Variants in SV2C observed in about 807,000 individuals in gnomAD.
The protein encoded by SV2C is synaptic vesicle glycoprotein 2C.
SV2C carries 49 observed loss-of-function variants against 79.7 expected under a neutral mutation model. That is an observed-to-expected ratio of 0.61 (90% confidence interval 0.49 to 0.78). The LOEUF is 0.78. SV2C is among the 30% of genes least tolerant of loss of function. The pLI, the probability that SV2C is intolerant of heterozygous loss-of-function variation, is 0.00. For synonymous variants in SV2C, 334 were observed against 333.2 expected, an observed-to-expected ratio of 1.00 and a Z score of -0.03; for missense variants, 833 against 912.9, an observed-to-expected ratio of 0.91 and a Z score of 1.13.
the SV2C span, among the ~76,000 whole-genome samples, chr5:75,926,797 T>C: frequency 3.9e-5 from 6 of 152,170 alleles, no homozygotes; most frequent in Non-Finnish European, 7.3e-5. Context: ...AGGAATAGGG[T>C]ACAACATTTT....
At chr5:75,967,288 C>T in the SV2C span, among the ~76,000 whole-genome samples, 5 of 152,252 alleles carry the variant, frequency 3.3e-5, no homozygotes, top group Non-Finnish European at 5.9e-5. Context: ...ACTGAGGTAC[C>T]GGGTTCATCT....
chr5:76,027,344 G>A, the SV2C span, among the ~76,000 whole-genome samples: 1 of 151,916 alleles, frequency 6.6e-6, no homozygotes, highest in Admixed American at 6.6e-5. Flanking sequence ...TTACAGGTGT[G>A]AGCCACCAAG....
chr5:76,291,366 A>C, intron 7 of SV2C, 35 bp downstream of exon 7: 1 of 1,514,842 alleles, frequency 6.6e-7, no homozygotes, highest in Non-Finnish European at 9.0e-7. Context: ...CTGCATGTTA[A>C]TTTATTGCAT....
intron 2 of SV2C, among the ~76,000 whole-genome samples, chr5:76,171,660 T>TG (rs1554037644): frequency 6.7e-5 from 5 of 74,256 alleles, no homozygotes; most frequent in East Asian, 4.2e-4. Context: ...GGGAGGGAGG[T>TG]GGGGGGTCAG....
intron 8 of SV2C, 103 bp downstream of exon 8, chr5:76,291,959 C>G: frequency 1.2e-6 from 1 of 805,458 alleles, no homozygotes; most frequent in Non-Finnish European, 1.9e-6. Context: ...TGCTGTTAAC[C>G]TGCTAAGGAA....
the SV2C span, among the ~76,000 whole-genome samples, chr5:75,856,153 C>T: frequency 2.0e-5 from 3 of 152,152 alleles, no homozygotes; most frequent in Non-Finnish European, 4.4e-5. Flanking sequence ...TAGTAGTACT[C>T]TATTGTGTAT....
the SV2C span, among the ~76,000 whole-genome samples, chr5:76,057,027 T>G: frequency 6.6e-6 from 1 of 152,152 alleles, no homozygotes; most frequent in Non-Finnish European, 1.5e-5. Context: ...ATTTCTTGTC[T>G]TCTGCAAGCT....
chr5:75,998,154 A>G, the SV2C span, among the ~76,000 whole-genome samples: 1 of 152,102 alleles, frequency 6.6e-6, no homozygotes, highest in African/African-American at 2.4e-5. Flanking sequence ...GAACACATGG[A>G]CACAGGAAGG....
At chr5:76,033,358 T>C in the SV2C span, among the ~76,000 whole-genome samples, 1 of 152,230 alleles carries the variant, frequency 6.6e-6, no homozygotes, top group Non-Finnish European at 1.5e-5. Flanking sequence ...CTAGGTTTTC[T>C]TCTAGGGTTT....
At chr5:76,235,919 T>C (rs1451385202) in intron 4 of SV2C, among the ~76,000 whole-genome samples, 1 of 152,216 alleles carries the variant, frequency 6.6e-6, no homozygotes, top group African/African-American at 2.4e-5. Context: ...CCACCGGTTC[T>C]ATATGAAATT....
chr5:75,989,533 T>C, the SV2C span, among the ~76,000 whole-genome samples: 1 of 152,104 alleles, frequency 6.6e-6, no homozygotes, highest in African/African-American at 2.4e-5. Flanking sequence ...CAGTCTATCA[T>C]TGTTGGGCAT....
chr5:75,863,421 GAT>G, the SV2C span, among the ~76,000 whole-genome samples: 1 of 152,298 alleles, frequency 6.6e-6, no homozygotes, highest in African/African-American at 2.4e-5. Context: ...AGACCACAGA[GAT>G]AATAGTAAAT....
chr5:76,132,735 CT>C (rs1748942599), intron 2 of SV2C, among the ~76,000 whole-genome samples: 2 of 152,022 alleles, frequency 1.3e-5, no homozygotes. Context: ...GAGATTAGTT[CT>C]GTAAAACTCT....
chr5:76,284,873 T>C (rs75450229), intron 4 of SV2C, among the ~76,000 whole-genome samples: 149 of 152,280 alleles, frequency 9.8e-4, no homozygotes, highest in African/African-American at 3.4e-3. Flanking sequence ...CAGTGGTCTA[T>C]TGGAAAAAGC....
At chr5:76,307,211 A>C (rs1748222833) in intron 12 of SV2C, among the ~76,000 whole-genome samples, 1 of 152,204 alleles carries the variant, frequency 6.6e-6, no homozygotes, top group Non-Finnish European at 1.5e-5. Flanking sequence ...ATTTAGTGTA[A>C]AGAGCTAGTT....
the SV2C span, among the ~76,000 whole-genome samples, chr5:76,026,221 C>CACA: frequency 7.1e-6 from 1 of 141,014 alleles, no homozygotes; most frequent in Non-Finnish European, 1.6e-5. Flanking sequence ...CACACACACA[C>CACA]ACACACACAC....
chr5:75,922,778 T>C, the SV2C span, among the ~76,000 whole-genome samples: 7 of 152,164 alleles, frequency 4.6e-5, no homozygotes, highest in African/African-American at 7.2e-5. Context: ...AGGAACCACA[T>C]GTTTGAAGCA....
At chr5:75,879,258 G>T in the SV2C span, among the ~76,000 whole-genome samples, 5,492 of 152,190 alleles carry the variant, frequency 0.036, 307 homozygotes, top group African/African-American at 0.12. Flanking sequence ...CAAAATGCAA[G>T]AATCTCTTCC....
At chr5:76,153,282 GT>G (rs1191749805) in intron 2 of SV2C, among the ~76,000 whole-genome samples, 1 of 152,162 alleles carries the variant, frequency 6.6e-6, no homozygotes, top group Non-Finnish European at 1.5e-5. Flanking sequence ...GCTGAGCTCA[GT>G]AAAATGTTGA....
Sources: allele counts gnomAD v4.1 joint callset (sites outside exome capture counted in the v4.1 genomes callset), GRCh38; gene constraint gnomAD v4.1.1; transcripts MANE v1.5; gene names NCBI Gene and HGNC (gene_info 2026-07-23, HGNC 2026-07-21).